EPHB2: variants seen among roughly 807,000 people sequenced by gnomAD.
The protein encoded by EPHB2 is EPH receptor B2, also known as ephrin type-B receptor 2.
EPHB2 carries 18 observed loss-of-function variants against 96.4 expected under a neutral mutation model. That is an observed-to-expected ratio of 0.19 (90% confidence interval 0.13 to 0.28). EPHB2 has a LOEUF of 0.28. Among genes scored for constraint, EPHB2 ranks in the 10% least tolerant of loss-of-function variants. The probability of loss-of-function intolerance (pLI) is 1.00; values close to 1 mark genes in which losing one functional copy is unlikely to be tolerated. For synonymous variants in EPHB2, 506 were observed against 534.1 expected (o/e 0.95, Z 0.72); for missense variants, 989 against 1,355.4 (o/e 0.73, Z 4.25).
At chr1:22,713,043 C>T (rs778742548) in intron 1 of EPHB2, among the ~76,000 whole-genome samples, 6 of 152,156 alleles carry the variant, frequency 3.9e-5, no homozygotes, top group Non-Finnish European at 7.3e-5. Context: ...TGTGGCCAGC[C>T]TGGACCCTGG....
chr1:22,808,614 G>A (rs1396228454), intron 3 of EPHB2, among the ~76,000 whole-genome samples: 1 of 152,214 alleles, frequency 6.6e-6, no homozygotes. Context: ...GCTTCTGAAT[G>A]GGGAGGAAGA....
At chr1:22,771,844 A>T (rs1443743388) in intron 1 of EPHB2, among the ~76,000 whole-genome samples, 2 of 152,184 alleles carry the variant, frequency 1.3e-5, no homozygotes, top group Non-Finnish European at 2.9e-5. Context: ...TGGCTGTGAG[A>T]TGCAGCCTGG....
chr1:22,769,645 C>A (rs968836183), intron 1 of EPHB2, among the ~76,000 whole-genome samples: 1 of 152,066 alleles, frequency 6.6e-6, no homozygotes, highest in Non-Finnish European at 1.5e-5. Context: ...TGAGCTCCAG[C>A]GATTCACCCA....
intron 8 of EPHB2, 83 bp from the exon 9 acceptor site, chr1:22,896,331 C>T: frequency 3.1e-6 from 5 of 1,587,760 alleles, no homozygotes; most frequent in African/African-American, 1.3e-5. Flanking sequence ...AGGGCCTGCC[C>T]ACCCTCTCCC....
intron 1 of EPHB2, among the ~76,000 whole-genome samples, chr1:22,766,312 C>T (rs1053661541): frequency 1.3e-5 from 2 of 152,144 alleles, no homozygotes; most frequent in African/African-American, 4.8e-5. Context: ...TAGCACAGTG[C>T]CTGGTACATT....
At chr1:22,808,148 GAAAAA>G (rs1195252479) in intron 3 of EPHB2, among the ~76,000 whole-genome samples, 2 of 150,772 alleles carry the variant, frequency 1.3e-5, no homozygotes, top group East Asian at 3.9e-4. Flanking sequence ...AAAAGAAAAA[GAAAAA>G]GAAAAGAAAA....
intron 6 of EPHB2, among the ~76,000 whole-genome samples, chr1:22,890,730 G>C (rs906368352): frequency 6.6e-6 from 1 of 152,128 alleles, no homozygotes; most frequent in Non-Finnish European, 1.5e-5. Context: ...CACGGGGGTG[G>C]TTACCCCCAT....
At chr1:22,859,515 G>A (rs1341671138) in intron 3 of EPHB2, among the ~76,000 whole-genome samples, 1 of 152,164 alleles carries the variant, frequency 6.6e-6, no homozygotes, top group Admixed American at 6.5e-5. Context: ...TACAAATAAG[G>A]CTGGGCTCAG....
At chr1:22,806,042 A>G (rs1195541609) in intron 3 of EPHB2, among the ~76,000 whole-genome samples, 3 of 152,204 alleles carry the variant, frequency 2.0e-5, no homozygotes, top group Non-Finnish European at 4.4e-5. Context: ...CTGGGAAGTC[A>G]CATAGCAAGT....
Position 22,912,492 on chromosome 1 carries a change from T to TAACGG in EPHB2, c.2748_2749insGGAAC (p.Thr917GlyfsTer34). 6.2e-7 allele frequency: 1 copy of TAACGG among 1,614,146 alleles called. No homozygotes were observed. The highest frequency in any genetic ancestry group is 8.5e-7 in the Non-Finnish European group (1 of 1,180,034). On this transcript the variant is annotated frameshift_variant, in exon 15 of 16. Transcript: ENST00000374630. LOFTEE classifies it high-confidence loss of function. The stretch of plus-strand genomic sequence containing the variant: ...GCACGATCCCCGACTACACCAGCTT[T>TAACGG]AACACGGTGGACGAGTGGCTGGAGG...
chr1:22,887,234 C>T (rs1201631702), intron 6 of EPHB2, among the ~76,000 whole-genome samples: 1 of 152,144 alleles, frequency 6.6e-6, no homozygotes, highest in Non-Finnish European at 1.5e-5. Flanking sequence ...ATGTCTCTCC[C>T]TGACCTCTCA....
chr1:22,815,304 A>G (rs767794388), intron 3 of EPHB2, among the ~76,000 whole-genome samples: 1 of 152,184 alleles, frequency 6.6e-6, no homozygotes, highest in African/African-American at 2.4e-5. Context: ...TTTGAGTCCC[A>G]AAGTGCAGCC....
chr1:22,757,894 A>G (rs576745995), intron 1 of EPHB2, among the ~76,000 whole-genome samples: 3 of 131,862 alleles, frequency 2.3e-5, no homozygotes, highest in African/African-American at 8.9e-5. Context: ...CATGCTCACT[A>G]TGTGTAAGCT....
intron 5 of EPHB2, among the ~76,000 whole-genome samples, chr1:22,868,361 T>C (rs1638552739): frequency 6.6e-6 from 1 of 152,124 alleles, no homozygotes; most frequent in South Asian, 2.1e-4. Flanking sequence ...TGCATGACAT[T>C]AGCAAATGAA....
At chr1:22,778,037 G>A (rs1187698501) in intron 1 of EPHB2, among the ~76,000 whole-genome samples, 1 of 152,088 alleles carries the variant, frequency 6.6e-6, no homozygotes, top group Admixed American at 6.5e-5. Flanking sequence ...GTTTTGTTTT[G>A]TCTTCTTAGA....
chr1:22,794,514 C>T (rs1342698620), intron 3 of EPHB2, among the ~76,000 whole-genome samples: 1 of 152,156 alleles, frequency 6.6e-6, no homozygotes, highest in African/African-American at 2.4e-5. Flanking sequence ...TCTCATCAGA[C>T]TAGGAAACTG....
intron 1 of EPHB2, among the ~76,000 whole-genome samples, chr1:22,747,546 G>A (rs953766607): frequency 2.6e-5 from 4 of 152,326 alleles, no homozygotes; most frequent in African/African-American, 7.2e-5. Context: ...GCAAGGGAGG[G>A]GGGCTCTGAG....
intron 1 of EPHB2, among the ~76,000 whole-genome samples, chr1:22,742,144 A>G (rs1643912047): frequency 6.6e-6 from 1 of 152,104 alleles, no homozygotes; most frequent in Admixed American, 6.5e-5. Context: ...CATCCACATC[A>G]TCCTCCTGGC....
chr1:22,723,190 G>A (rs896343365), intron 1 of EPHB2, among the ~76,000 whole-genome samples: 1 of 152,246 alleles, frequency 6.6e-6, no homozygotes, highest in Non-Finnish European at 1.5e-5. Flanking sequence ...TAAGTGGGGA[G>A]AAAGCGGCTT....
Sources: allele counts gnomAD v4.1 joint callset (sites outside exome capture counted in the v4.1 genomes callset), GRCh38; gene constraint gnomAD v4.1.1; transcripts MANE v1.5; gene names NCBI Gene and HGNC (gene_info 2026-07-23, HGNC 2026-07-21).